NDST4: variants seen among roughly 807,000 people sequenced by gnomAD.
NDST4 encodes the protein N-heparan sulfate sulfotransferase 4.
In NDST4, 63 loss-of-function variants were observed where a neutral mutation model predicts 100.8. The ratio of observed to expected loss-of-function variants is 0.62; its 90% CI spans 0.51 to 0.77. The LOEUF (loss-of-function observed/expected upper bound fraction) is 0.77. Among genes scored for constraint, NDST4 ranks in the 30% least tolerant of loss-of-function variants. The pLI is 0.00. For missense variants in NDST4, 943 were observed against 1,018.4 expected, an observed-to-expected ratio of 0.93 and a Z score of 1.01; for synonymous variants, 377 against 361.8, an observed-to-expected ratio of 1.04 and a Z score of -0.48.
chr4:114,926,923 G>C (rs1305710344), intron 6 of NDST4, among the ~76,000 whole-genome samples: 3 of 151,920 alleles, frequency 2.0e-5, no homozygotes, highest in Non-Finnish European at 4.4e-5. Context: ...ACTTTTTCCA[G>C]CTTTTATTAA....
intron 6 of NDST4, among the ~76,000 whole-genome samples, chr4:114,920,164 A>G (rs1725259332): frequency 6.6e-6 from 1 of 152,180 alleles, no homozygotes. Context: ...TATTTTTAAG[A>G]TGCATTCAGC....
Position 115,077,135 on chromosome 4 carries a change from T to A in NDST4, c.-99A>T. 8.8e-7 allele frequency: 1 copy of A among 1,134,266 alleles called. No homozygotes were observed. Among genetic ancestry groups the A allele is most frequent in the Non-Finnish European group, 1.2e-6 (1 of 817,004 alleles). The allele number at this position is 1,134,266 out of a possible 1,614,324, so 70.3% of individuals were successfully genotyped here. A position where few individuals can be genotyped will look rare whatever the true frequency, so the allele number is the denominator to read the frequency against. ...TGTTGCAAATATCACTTCCCCAGAGTTCATGTAACCATCGCAAATCATGTA... is the reference window on the plus strand; with the variant it reads ...TGTTGCAAATATCACTTCCCCAGAGATCATGTAACCATCGCAAATCATGTA... On this transcript the variant is annotated 5_prime_UTR_variant, in exon 2 of 14. Transcript: ENST00000264363.
chr4:114,997,662 C>G (rs959847474), intron 2 of NDST4, among the ~76,000 whole-genome samples: 2 of 152,034 alleles, frequency 1.3e-5, no homozygotes, highest in South Asian at 2.1e-4. Context: ...AGGGAAGGAA[C>G]TTTTATTTAT....
chr4:115,078,848 C>A (rs150816455), intron 1 of NDST4, among the ~76,000 whole-genome samples: 2 of 151,848 alleles, frequency 1.3e-5, no homozygotes, highest in Non-Finnish European at 2.9e-5. Context: ...CCGCCCCCAC[C>A]AACCCCCGCC....
chr4:114,874,284 C>A (rs1216250381), intron 6 of NDST4, among the ~76,000 whole-genome samples: 1 of 151,966 alleles, frequency 6.6e-6, no homozygotes, highest in Non-Finnish European at 1.5e-5. Flanking sequence ...GGTTCTAAGT[C>A]ATTTTTCCAG....
Position 115,004,046 on chromosome 4 carries a change from T to C in NDST4, c.979-26772A>G, listed in dbSNP as rs576494584. Among the ~76,000 whole-genome samples the C allele has an allele frequency of 1.3e-4, 20 of 152,238 alleles. No homozygotes were observed. In the East Asian group the frequency reaches 3.5e-3, roughly 26 times the overall value. ...TCCATTCTACCAAGACTCTGCTCTT[T>C]CTTTACTTATTGACATGTGGCCTCC... On this transcript the variant is annotated intron_variant, in intron 2 of 13. Coordinates refer to ENST00000264363, the MANE Select transcript of NDST4 (RefSeq NM_022569.3).
rs1444045508 is a variant in NDST4, at chr4:114,943,158, C to T, written c.1222-5655G>A. Among the ~76,000 whole-genome samples, 3 of 149,030 alleles carry T rather than the reference C, an allele frequency of 2.0e-5. No homozygotes were observed. The East Asian group carries it at 5.9e-4, about 29-fold the overall frequency. ...AACATTATTAGATCCCATGTATTTCCCATAAAATTCACATAAAAAGTTTGA... is the reference window on the plus strand; with the variant it reads ...AACATTATTAGATCCCATGTATTTCTCATAAAATTCACATAAAAAGTTTGA... On this transcript the variant is annotated intron_variant, in intron 4 of 13. Coordinates refer to ENST00000264363, the MANE Select transcript of NDST4 (RefSeq NM_022569.3).
At chr4:115,079,037 T>C (rs1729248455) in intron 1 of NDST4, among the ~76,000 whole-genome samples, 1 of 149,500 alleles carries the variant, frequency 6.7e-6, no homozygotes, top group Non-Finnish European at 1.5e-5. Context: ...AACACAGCAT[T>C]AAAAAAAAAA....
At position 115,076,131 on chromosome 4, in the gene NDST4, C is replaced by T. The variant is rs1328532268; in HGVS notation, c.906G>A (p.Arg302=). ...SGKRLTLSLD[R]YILVDIDDIF... Reference sequence around the variant, plus strand: ...TATCATCAATGTCCACAAGGATGTACCTGTCCAAGGACAATGTCAGCCTCT... The same window carrying T: ...TATCATCAATGTCCACAAGGATGTATCTGTCCAAGGACAATGTCAGCCTCT... The change falls in exon 2 of 14, where the codon AGG becomes AGA. Residue 302 remains arginine, a synonymous_variant. Coordinates refer to ENST00000264363, the MANE Select transcript of NDST4 (RefSeq NM_022569.3). 1 of 1,613,910 alleles carries T rather than the reference C, an allele frequency of 6.2e-7. No individual in the cohort carries two copies. Among genetic ancestry groups the T allele is most frequent in the South Asian group, 1.1e-5 (1 of 91,086 alleles).
At chr4:115,065,552 T>C (rs1728928693) in intron 2 of NDST4, among the ~76,000 whole-genome samples, 1 of 152,184 alleles carries the variant, frequency 6.6e-6, no homozygotes, top group South Asian at 2.1e-4. Flanking sequence ...TAGCACATTT[T>C]AGCATATATT....
At chr4:115,094,851 G>A (rs1483559841) in intron 1 of NDST4, among the ~76,000 whole-genome samples, 1 of 142,096 alleles carries the variant, frequency 7.0e-6, no homozygotes, top group Non-Finnish European at 1.5e-5. Flanking sequence ...ACTTTCAGAG[G>A]GAGCATGGCC....
At chr4:114,917,331 T>C (rs1001641083) in intron 6 of NDST4, among the ~76,000 whole-genome samples, 4 of 152,172 alleles carry the variant, frequency 2.6e-5, no homozygotes, top group Non-Finnish European at 4.4e-5. Flanking sequence ...AGGCCAACTG[T>C]ATACCTCTGC....
chr4:114,959,539 T>C (rs1404333989), intron 4 of NDST4, among the ~76,000 whole-genome samples: 2 of 152,102 alleles, frequency 1.3e-5, no homozygotes, highest in Non-Finnish European at 2.9e-5. Context: ...GAGAACAGCA[T>C]AAGAAAAACT....
intron 4 of NDST4, 113 bp from the exon 5 acceptor site, chr4:114,937,616 T>C: frequency 1.2e-6 from 1 of 861,356 alleles, no homozygotes; most frequent in Non-Finnish European, 1.7e-6. Flanking sequence ...AATATGAGAA[T>C]TAAAAATCCA....
intron 2 of NDST4, among the ~76,000 whole-genome samples, chr4:115,016,058 T>C (rs767122842): frequency 1.3e-5 from 2 of 152,066 alleles, no homozygotes; most frequent in Non-Finnish European, 2.9e-5. Context: ...CGTGAACTTT[T>C]AGAATGCCTT....
rs148956645 is a variant in NDST4, at chr4:115,031,566, G to A, written c.978+44493C>T. Among the ~76,000 whole-genome samples the A allele has an allele frequency of 1.4e-3, 220 of 152,110 alleles. 1 individual carries two copies. The highest frequency in any genetic ancestry group is 5.1e-3 in the African/African-American group (211 of 41,510). The stretch of plus-strand genomic sequence containing the variant: ...CTGAACTCCAGGGAACTCTGTTCAA[G>A]TTCTCCTAAGAAATCTTTCTCTACC... On this transcript the variant is annotated intron_variant, in intron 2 of 13. Transcript: ENST00000264363.
At chr4:115,041,840 A>C (rs540184476) in intron 2 of NDST4, among the ~76,000 whole-genome samples, 1 of 152,190 alleles carries the variant, frequency 6.6e-6, no homozygotes, top group Middle Eastern at 3.4e-3. Flanking sequence ...ATATTTATGA[A>C]GGTAATTCGA....
chr4:115,026,992 G>C (rs1018372725), intron 2 of NDST4, among the ~76,000 whole-genome samples: 2 of 152,108 alleles, frequency 1.3e-5, no homozygotes, highest in African/African-American at 4.8e-5. Flanking sequence ...CCAGAGTCTA[G>C]TTGCTGTTTA....
chr4:115,054,848 A>G (rs1344388488), intron 2 of NDST4, among the ~76,000 whole-genome samples: 1 of 152,134 alleles, frequency 6.6e-6, no homozygotes, highest in Non-Finnish European at 1.5e-5. Flanking sequence ...TTATAACATT[A>G]AGAAAATCCA....
Sources: allele counts gnomAD v4.1 joint callset (sites outside exome capture counted in the v4.1 genomes callset), GRCh38; gene constraint gnomAD v4.1.1; transcripts MANE v1.5; gene names NCBI Gene and HGNC (gene_info 2026-07-23, HGNC 2026-07-21).